The following SPOCK3 variants were observed in gnomAD, a reference collection of about 807,000 sequenced individuals.
SPOCK3 encodes the protein SPARC (osteonectin), cwcv and kazal like domains proteoglycan 3.
Under a neutral mutation model 56.6 loss-of-function variants are expected in SPOCK3, and 30 were observed. The observed-to-expected ratio is 0.53, with a 90% CI of 0.40 to 0.72. The LOEUF (loss-of-function observed/expected upper bound fraction) is 0.72, where lower values mean the gene tolerates loss of function less well. Among genes scored for constraint, SPOCK3 ranks in the 30% least tolerant of loss-of-function variants. SPOCK3 has a pLI of 0.00. For synonymous variants in SPOCK3, 196 were observed against 183.3 expected (o/e 1.07, Z -0.56); for missense variants, 527 against 530.0 (o/e 0.99, Z 0.06).
chr4:167,097,306 A>G (rs2150318683), intron 2 of SPOCK3, among the ~76,000 whole-genome samples: 1 of 151,836 alleles, frequency 6.6e-6, no homozygotes, highest in Non-Finnish European at 1.5e-5. Context: ...TCAAGTTTTG[A>G]GTATTTTATA....
At chr4:166,765,867 C>G (rs888459014) in intron 7 of SPOCK3, among the ~76,000 whole-genome samples, 21 of 152,268 alleles carry the variant, frequency 1.4e-4, no homozygotes, top group African/African-American at 4.8e-4. Context: ...TTTTGTTGAG[C>G]AGTGGTTTGC....
Position 167,085,783 on chromosome 4 carries a change from T to C in SPOCK3, c.190-23246A>G, listed in dbSNP as rs17052941. On this transcript the variant is annotated intron_variant, in intron 2 of 10. Coordinates refer to ENST00000357545, the MANE Select transcript of SPOCK3 (RefSeq NM_001040159.2). ...ACAGATGGCAACTTATTTGGCAAGA[T>C]GGTAAGTCCATACCACCTCAAAGTA... 3.7e-3 allele frequency among the ~76,000 whole-genome samples: 563 copies of C among 152,252 alleles called. 5 individuals carry two copies. Among genetic ancestry groups the C allele is most frequent in the African/African-American group, 0.011 (460 of 41,574 alleles).
intron 2 of SPOCK3, among the ~76,000 whole-genome samples, chr4:167,222,724 T>C (rs1181060805): frequency 3.8e-5 from 5 of 131,866 alleles, no homozygotes; most frequent in Non-Finnish European, 7.7e-5. Context: ...TATATTGATA[T>C]ATGAATATAT....
intron 4 of SPOCK3, among the ~76,000 whole-genome samples, chr4:166,960,441 G>A (rs1744018358): frequency 6.6e-6 from 1 of 152,154 alleles, no homozygotes; most frequent in Non-Finnish European, 1.5e-5. Context: ...TCTGAAGGAT[G>A]GATATATGTG....
chr4:167,006,465 A>C (rs1014893758), intron 3 of SPOCK3, among the ~76,000 whole-genome samples: 1 of 152,088 alleles, frequency 6.6e-6, no homozygotes, highest in South Asian at 2.1e-4. Flanking sequence ...AAGATTGACT[A>C]TTACCAGAGT....
At position 167,189,667 on chromosome 4, in the gene SPOCK3, T is replaced by A. The variant is rs1732310284; in HGVS notation, c.189+44318A>T. Among the ~76,000 whole-genome samples, 3 of 144,684 alleles carry A rather than the reference T, an allele frequency of 2.1e-5. 1 individual carries two copies. In the South Asian group the frequency reaches 6.4e-4, roughly 31 times the overall value. The allele number at this position is 144,684 out of a possible 152,430, so 94.9% of individuals were successfully genotyped here. A position where few individuals can be genotyped will look rare whatever the true frequency, so the allele number is the denominator to read the frequency against. On this transcript the variant is annotated intron_variant, in intron 2 of 10. Coordinates refer to ENST00000357545, the MANE Select transcript of SPOCK3 (RefSeq NM_001040159.2). ...CTTAAGATCTACTGTCTAAAAACAC[T>A]CAAGTATATAATACAGTATTATTAA...
intron 4 of SPOCK3, among the ~76,000 whole-genome samples, chr4:166,923,212 G>A (rs1182047039): frequency 6.6e-6 from 1 of 152,096 alleles, no homozygotes; most frequent in Non-Finnish European, 1.5e-5. Context: ...GTTTTTGTCT[G>A]TGTCAAAACT....
chr4:166,777,548 G>T (rs1224035998), intron 7 of SPOCK3, among the ~76,000 whole-genome samples: 2 of 152,112 alleles, frequency 1.3e-5, no homozygotes, highest in African/African-American at 4.8e-5. Context: ...AGGCAAGGTG[G>T]CAGGATCACC....
chr4:167,138,841 T>G (rs1183234394), intron 2 of SPOCK3, among the ~76,000 whole-genome samples: 2 of 151,956 alleles, frequency 1.3e-5, no homozygotes, highest in African/African-American at 4.8e-5. Context: ...TTTGAGATAT[T>G]TTTATCTTCT....
intron 5 of SPOCK3, among the ~76,000 whole-genome samples, chr4:166,909,440 C>G (rs192934867): frequency 6.6e-6 from 1 of 152,132 alleles, no homozygotes; most frequent in East Asian, 1.9e-4. Flanking sequence ...CATTTATAAT[C>G]TCCTCTCTAT....
At chr4:167,205,580 A>AAAATATATTTTCTATAATAT (rs1187643149) in intron 2 of SPOCK3, among the ~76,000 whole-genome samples, 10 of 92,392 alleles carry the variant, frequency 1.1e-4, no homozygotes, top group African/African-American at 3.4e-4. Context: ...TATATAATAT[A>AAAATATATTTTCTATAATAT]ATATAAAATA....
At chr4:167,055,338 G>A (rs1754678369) in intron 3 of SPOCK3, among the ~76,000 whole-genome samples, 1 of 152,180 alleles carries the variant, frequency 6.6e-6, no homozygotes, top group East Asian at 1.9e-4. Context: ...TGGCCAAATA[G>A]GAACAGCTCC....
rs150117668 is a variant in SPOCK3 at position 166,948,495 on chromosome 4, T to C, written c.351-35752A>G. 1.3e-3 allele frequency among the ~76,000 whole-genome samples: 203 copies of C among 152,264 alleles called. 1 individual carries two copies. Among genetic ancestry groups the C allele is most frequent in the African/African-American group, 4.1e-3 (171 of 41,558 alleles). On this transcript the variant is annotated intron_variant, in intron 4 of 10. Coordinates refer to ENST00000357545, the MANE Select transcript of SPOCK3 (RefSeq NM_001040159.2). ...ATTCCTACCAACAGTGTGTTAGAGA[T>C]CCCTTTTCTTCACTTCCTCACCAAC...
At chr4:167,199,353 G>C (rs944974844) in intron 2 of SPOCK3, among the ~76,000 whole-genome samples, 3 of 151,768 alleles carry the variant, frequency 2.0e-5, no homozygotes, top group African/African-American at 7.3e-5. Flanking sequence ...TTATAGGTGA[G>C]ATATTCTCCA....
intron 6 of SPOCK3, among the ~76,000 whole-genome samples, chr4:166,809,162 T>G (rs944631309): frequency 1.1e-4 from 16 of 151,974 alleles, no homozygotes; most frequent in East Asian, 1.9e-4. Context: ...ATTAGAAAAC[T>G]AATGTGCTCA....
chr4:166,866,486 G>T (rs190652492), intron 6 of SPOCK3, among the ~76,000 whole-genome samples: 1 of 152,252 alleles, frequency 6.6e-6, no homozygotes, highest in East Asian at 1.9e-4. Flanking sequence ...TCATCAGAGT[G>T]AACAGGCAAA....
At chr4:167,162,874 T>G (rs1291693709) in intron 2 of SPOCK3, among the ~76,000 whole-genome samples, 1 of 152,002 alleles carries the variant, frequency 6.6e-6, no homozygotes, top group Admixed American at 6.6e-5. Context: ...TGCAAAATTA[T>G]AGTGGAAAAA....
chr4:166,960,765 T>C (rs896781006), intron 4 of SPOCK3, among the ~76,000 whole-genome samples: 1 of 152,148 alleles, frequency 6.6e-6, no homozygotes, highest in Non-Finnish European at 1.5e-5. Flanking sequence ...GTGCAAAGAA[T>C]AGCAGGAGAA....
chr4:167,030,067 T>G (rs538692240), intron 3 of SPOCK3, among the ~76,000 whole-genome samples: 35 of 144,468 alleles, frequency 2.4e-4, no homozygotes, highest in African/African-American at 8.4e-4. Flanking sequence ...GTTTTTAGTG[T>G]TATTTTAATG....
Sources: allele counts gnomAD v4.1 joint callset (sites outside exome capture counted in the v4.1 genomes callset), GRCh38; gene constraint gnomAD v4.1.1; transcripts MANE v1.5; gene names NCBI Gene and HGNC (gene_info 2026-07-23, HGNC 2026-07-21).